The following SGIP1 variants were observed in gnomAD, a reference collection of about 807,000 sequenced individuals.
SGIP1 encodes the protein SH3GL interacting endocytic adaptor 1.
A neutral mutation model predicts 107.5 loss-of-function variants in SGIP1; 38 were observed. That is an observed-to-expected ratio of 0.35 (90% confidence interval 0.27 to 0.46). SGIP1 has a LOEUF of 0.46. SGIP1 is among the 20% of genes least tolerant of loss of function. SGIP1 has a pLI of 1.00. For missense variants in SGIP1, 929 were observed against 1,019.5 expected (o/e 0.91, Z 1.21); for synonymous variants, 365 against 366.1 (o/e 1.00, Z 0.03).
chr1:66,576,410 G>A (rs146508009), intron 1 of SGIP1, among the ~76,000 whole-genome samples: 15 of 152,276 alleles, frequency 9.9e-5, no homozygotes, highest in Non-Finnish European at 1.5e-4. Context: ...TGGCTGAGCC[G>A]CATAAAAGCT....
chr1:66,621,558 A>G (rs1211469474), intron 1 of SGIP1, among the ~76,000 whole-genome samples: 1 of 152,216 alleles, frequency 6.6e-6, no homozygotes, highest in East Asian at 1.9e-4. Context: ...AGAACTTTAT[A>G]TCACCCCAAA....
chr1:66,658,988 C>G (rs1219781161), intron 7 of SGIP1, among the ~76,000 whole-genome samples: 2 of 152,034 alleles, frequency 1.3e-5, no homozygotes, highest in Non-Finnish European at 2.9e-5. Context: ...CACGGCACAT[C>G]CAAGAGAGCC....
At position 66,682,169 on chromosome 1, in the gene SGIP1, C is replaced by A; in HGVS notation, c.1115C>A (p.Ser372Ter). 2 of 1,614,218 alleles carry A rather than the reference C, an allele frequency of 1.2e-6. No homozygotes were observed. Among genetic ancestry groups the A allele is most frequent in the Non-Finnish European group, 1.7e-6 (2 of 1,180,046 alleles). ...CCTGGGCCTCCTCGCAATGTACTAT[C>A]GCCGCTCAATTTAGAAGAAGTCCAG... ...GPPGPPRNVLSPLNLEEVQKK... is the reference protein window; with the variant it reads ...GPPGPPRNVL The change falls in exon 15 of 25, where the codon TCG (serine) becomes TAG (stop). Residue 372 changes from serine (S) to a stop codon, truncating the protein, a stop_gained. Coordinates refer to ENST00000371037, the MANE Select transcript of SGIP1 (RefSeq NM_032291.4). LOFTEE classifies it high-confidence loss of function.
chr1:66,631,469 C>G (rs901365907), intron 2 of SGIP1, among the ~76,000 whole-genome samples: 6 of 152,158 alleles, frequency 3.9e-5, no homozygotes, highest in Middle Eastern at 3.2e-3. Flanking sequence ...TGTTTCTTGT[C>G]CCTGTATCAC....
intron 7 of SGIP1, among the ~76,000 whole-genome samples, chr1:66,646,117 A>G (rs2077614802): frequency 6.6e-6 from 1 of 152,194 alleles, no homozygotes; most frequent in Admixed American, 6.5e-5. Context: ...CTGGGATTAC[A>G]GGTGTGAGCC....
At chr1:66,539,335 G>A (rs986136289) in intron 1 of SGIP1, among the ~76,000 whole-genome samples, 1 of 152,206 alleles carries the variant, frequency 6.6e-6, no homozygotes, top group Non-Finnish European at 1.5e-5. Context: ...ACTACCAAAT[G>A]TAGGTGTGGG....
At chr1:66,641,330 AT>A (rs1329985495) in intron 5 of SGIP1, among the ~76,000 whole-genome samples, 13 of 152,160 alleles carry the variant, frequency 8.5e-5, no homozygotes, top group African/African-American at 4.8e-5. Flanking sequence ...AATAAAAAAG[AT>A]TTTTTTAATG....
chr1:66,551,160 T>G lies in SGIP1; in HGVS notation c.10+16792T>G, dbSNP rs567231207. On this transcript the variant is annotated intron_variant, in intron 1 of 24. Coordinates refer to ENST00000371037, the MANE Select transcript of SGIP1 (RefSeq NM_032291.4). ...ATGAAACTATTATTAAGGATGCCTT[T>G]GTTCTGGTTATTTTAAATCAGATTG... Among the ~76,000 whole-genome samples the G allele has an allele frequency of 2.6e-5, 4 of 152,288 alleles. No individual in the cohort carries two copies. In the South Asian group the frequency reaches 6.2e-4, roughly 24 times the overall value.
intron 1 of SGIP1, among the ~76,000 whole-genome samples, chr1:66,617,370 C>A (rs1228545426): frequency 1.3e-5 from 2 of 152,108 alleles, no homozygotes; most frequent in Non-Finnish European, 2.9e-5. Context: ...TTATGTCTTT[C>A]TGTAAGAACT....
chr1:66,661,594 G>T (rs987641884), intron 8 of SGIP1, among the ~76,000 whole-genome samples: 6 of 152,168 alleles, frequency 3.9e-5, no homozygotes, highest in Admixed American at 3.9e-4. Context: ...AAGCTAAATG[G>T]CCCGCTTCTG....
chr1:66,598,747 A>T (rs2065192236), intron 1 of SGIP1, among the ~76,000 whole-genome samples: 1 of 152,180 alleles, frequency 6.6e-6, no homozygotes. Context: ...ATCACCGAAG[A>T]GATGGTGCTA....
At chr1:66,623,402 A>G (rs574622835) in intron 1 of SGIP1, among the ~76,000 whole-genome samples, 1 of 152,124 alleles carries the variant, frequency 6.6e-6, no homozygotes, top group Non-Finnish European at 1.5e-5. Context: ...GGTGTGCACC[A>G]CCACTCAGGC....
chr1:66,687,263 G>A (rs930057795), intron 15 of SGIP1, among the ~76,000 whole-genome samples: 8 of 146,804 alleles, frequency 5.4e-5, no homozygotes, highest in Non-Finnish European at 8.9e-5. Context: ...TGGTTTTCAC[G>A]AAGCTAAATA....
At chr1:66,613,795 C>A (rs576462157) in intron 1 of SGIP1, among the ~76,000 whole-genome samples, 1 of 152,128 alleles carries the variant, frequency 6.6e-6, no homozygotes, top group East Asian at 1.9e-4. Flanking sequence ...GGAAAGAGTG[C>A]TTCAGGCTTT....
chr1:66,566,405 C>T (rs1418276268), intron 1 of SGIP1, among the ~76,000 whole-genome samples: 1 of 151,922 alleles, frequency 6.6e-6, no homozygotes, highest in African/African-American at 2.4e-5. Flanking sequence ...CCTCCAAAAC[C>T]TTTTATTTTT....
At chr1:66,634,288 C>A (rs1206778676) in intron 3 of SGIP1, 4 of 717,184 alleles carry the variant, frequency 5.6e-6, no homozygotes, top group Non-Finnish European at 7.1e-6. Context: ...TGCTCCCAGA[C>A]TGGATTGCTA....
intron 20 of SGIP1, among the ~76,000 whole-genome samples, chr1:66,731,817 GC>G (rs112865514): frequency 6.6e-6 from 1 of 152,116 alleles, no homozygotes; most frequent in Non-Finnish European, 1.5e-5. Flanking sequence ...TGTCACCATG[GC>G]CCCTGGAGAC....
intron 1 of SGIP1, among the ~76,000 whole-genome samples, chr1:66,551,174 T>A (rs1461404819): frequency 1.3e-5 from 2 of 152,172 alleles, no homozygotes; most frequent in Non-Finnish European, 2.9e-5. Context: ...CTGGTTATTT[T>A]AAATCAGATT....
intron 1 of SGIP1, among the ~76,000 whole-genome samples, chr1:66,549,421 G>A (rs2148230623): frequency 6.6e-6 from 1 of 152,278 alleles, no homozygotes; most frequent in South Asian, 2.1e-4. Context: ...ATGATTATAA[G>A]TGAGCAAAGT....
Sources: allele counts gnomAD v4.1 joint callset (sites outside exome capture counted in the v4.1 genomes callset), GRCh38; gene constraint gnomAD v4.1.1; transcripts MANE v1.5; gene names NCBI Gene and HGNC (gene_info 2026-07-23, HGNC 2026-07-21).